Variants in DYM observed in about 807,000 individuals in gnomAD.
The protein encoded by DYM is dymeclin.
DYM carries 78 observed loss-of-function variants against 93.1 expected under a neutral mutation model. That is an observed-to-expected ratio of 0.84 (90% confidence interval 0.70 to 1.01). The LOEUF (loss-of-function observed/expected upper bound fraction) is 1.01, where lower values mean the gene tolerates loss of function less well. DYM is among the 50% of genes least tolerant of loss of function. DYM has a pLI of 0.00. For missense variants in DYM, 789 were observed against 845.0 expected, an observed-to-expected ratio of 0.93 and a Z score of 0.82; for synonymous variants, 321 against 319.7, an observed-to-expected ratio of 1.00 and a Z score of -0.04.
chr18:49,169,908 C>A (rs945796938), intron 14 of DYM, among the ~76,000 whole-genome samples: 1 of 152,050 alleles, frequency 6.6e-6, no homozygotes, highest in Non-Finnish European at 1.5e-5. Context: ...GATGAGGATG[C>A]CTTAAAGCAA....
chr18:49,296,407 T>C (rs748141868), intron 8 of DYM, among the ~76,000 whole-genome samples: 9 of 152,180 alleles, frequency 5.9e-5, no homozygotes, highest in Non-Finnish European at 1.0e-4. Flanking sequence ...TTTCATCATT[T>C]ATTAAGGGCC....
chr18:49,247,770 T>C (rs925433652), intron 13 of DYM, among the ~76,000 whole-genome samples: 1 of 152,238 alleles, frequency 6.6e-6, no homozygotes, highest in Admixed American at 6.5e-5. Flanking sequence ...TGTACAATAC[T>C]AGCAATTTTT....
At chr18:49,105,831 A>T (rs952542361) in intron 16 of DYM, among the ~76,000 whole-genome samples, 6 of 152,124 alleles carry the variant, frequency 3.9e-5, no homozygotes, top group Admixed American at 1.3e-4. Flanking sequence ...CTTCCAAGTA[A>T]GTGGTCAATT....
intron 5 of DYM, among the ~76,000 whole-genome samples, chr18:49,364,438 G>A (rs1239328188): frequency 6.6e-6 from 1 of 150,832 alleles, no homozygotes; most frequent in Non-Finnish European, 1.5e-5. Flanking sequence ...AAACAAGACT[G>A]TGTCTCAAAA....
chr18:49,362,855 C>T (rs1291418087), intron 6 of DYM, among the ~76,000 whole-genome samples: 2 of 152,226 alleles, frequency 1.3e-5, no homozygotes, highest in Non-Finnish European at 2.9e-5. Flanking sequence ...TAGATTCAAA[C>T]TGCTTCTCTC....
At chr18:49,288,405 T>C (rs1412198897) in intron 8 of DYM, among the ~76,000 whole-genome samples, 6 of 152,138 alleles carry the variant, frequency 3.9e-5, no homozygotes, top group South Asian at 2.1e-4. Context: ...CTGACAACCA[T>C]AGAATTTGAA....
At chr18:49,403,202 G>A (rs1168493032) in intron 2 of DYM, among the ~76,000 whole-genome samples, 7 of 152,180 alleles carry the variant, frequency 4.6e-5, no homozygotes, top group Admixed American at 3.9e-4. Context: ...CAGGAGGGGA[G>A]TATAAAACAT....
chr18:49,292,592 GAAAAAAAAA>G (rs72415237), intron 8 of DYM, among the ~76,000 whole-genome samples: 3 of 78,788 alleles, frequency 3.8e-5, no homozygotes, highest in African/African-American at 8.4e-5. Context: ...TTTCCTGTTG[GAAAAAAAAA>G]AAAAAAAAAA....
In DYM at chr18:49,038,804, A is replaced by G. The variant is rs927896821; in HGVS notation, c.*5251T>C. The stretch of plus-strand genomic sequence containing the variant: ...CTATACACTTTTATTGATATCTCAA[A>G]TATTATCATGCATACATGAGTTATC... On this transcript the variant is annotated 3_prime_UTR_variant, in exon 18 of 18. Transcript: ENST00000675505. Among the ~76,000 whole-genome samples, 5 of 152,244 alleles carry G rather than the reference A, an allele frequency of 3.3e-5. No homozygotes were observed. Among genetic ancestry groups the G allele is most frequent in the African/African-American group, 4.8e-5 (2 of 41,456 alleles).
rs576579184 is a variant in DYM, at chr18:49,271,463, A to G, written c.1251+715T>C. Among the ~76,000 whole-genome samples, 117 of 152,306 alleles carry G rather than the reference A, an allele frequency of 7.7e-4. 1 individual carries two copies. The highest frequency in any genetic ancestry group is 1.3e-3 in the Non-Finnish European group (87 of 68,014). ...CAGGAAGAACCAATGACTATCTTCCATCTTAGGGCGATAATAGTTAATGTC... is the reference window on the plus strand; with the variant it reads ...CAGGAAGAACCAATGACTATCTTCCGTCTTAGGGCGATAATAGTTAATGTC... On this transcript the variant is annotated intron_variant, in intron 11 of 17. Transcript: ENST00000675505.
At chr18:49,084,665 A>G (rs184568563) in intron 17 of DYM, among the ~76,000 whole-genome samples, 3 of 152,294 alleles carry the variant, frequency 2.0e-5, no homozygotes, top group African/African-American at 7.2e-5. Context: ...ATGTCCACCA[A>G]TAGAATGGAG....
At chr18:49,090,618 A>C (rs1319076637) in intron 17 of DYM, among the ~76,000 whole-genome samples, 1 of 152,198 alleles carries the variant, frequency 6.6e-6, no homozygotes, top group African/African-American at 2.4e-5. Flanking sequence ...GATCAGGGAA[A>C]GTAGAGAGAA....
intron 1 of DYM, among the ~76,000 whole-genome samples, chr18:49,457,055 A>G (rs1258978977): frequency 6.6e-6 from 1 of 152,256 alleles, no homozygotes; most frequent in Non-Finnish European, 1.5e-5. Context: ...AAGGAAAAGC[A>G]GCAATGGGCA....
chr18:49,071,953 C>T (rs942042684), intron 17 of DYM, among the ~76,000 whole-genome samples: 27 of 152,190 alleles, frequency 1.8e-4, no homozygotes, highest in Admixed American at 9.8e-4. Flanking sequence ...GCCACATGCA[C>T]GCTGCGCCTT....
At chr18:49,441,711 A>C (rs767251217) in intron 1 of DYM, among the ~76,000 whole-genome samples, 50 of 152,072 alleles carry the variant, frequency 3.3e-4, no homozygotes, top group Non-Finnish European at 7.4e-5. Context: ...AAGCCCCAAA[A>C]GGAGTTCCTG....
At chr18:49,423,818 A>T (rs560857858) in intron 2 of DYM, among the ~76,000 whole-genome samples, 131 of 152,366 alleles carry the variant, frequency 8.6e-4, no homozygotes, top group African/African-American at 3.0e-3. Flanking sequence ...AAATTCCTGG[A>T]CACATACACC....
chr18:49,227,444 T>C (rs1408484434), intron 13 of DYM, among the ~76,000 whole-genome samples: 1 of 152,156 alleles, frequency 6.6e-6, no homozygotes, highest in Non-Finnish European at 1.5e-5. Context: ...TTGGAGTCAT[T>C]AAAATAAGAA....
chr18:49,233,014 T>C (rs1350463962), intron 13 of DYM, among the ~76,000 whole-genome samples: 2 of 152,140 alleles, frequency 1.3e-5, no homozygotes, highest in South Asian at 4.1e-4. Context: ...CAAAAATACA[T>C]GGATTGGTTA....
At chr18:49,315,373 G>A (rs910783345) in intron 8 of DYM, among the ~76,000 whole-genome samples, 1 of 152,122 alleles carries the variant, frequency 6.6e-6, no homozygotes, top group Admixed American at 6.5e-5. Context: ...GGTATGGGAG[G>A]AAAAATAGGC....
Sources: gnomAD v4.1 joint callset for allele counts (sites outside exome capture counted in the v4.1 genomes callset) on GRCh38, gnomAD v4.1.1 for gene constraint, MANE v1.5 for transcripts, NCBI Gene and HGNC (gene_info 2026-07-23, HGNC 2026-07-21) for gene names.